The following TTC39C variants were observed in gnomAD, a reference collection of about 807,000 sequenced individuals.
TTC39C encodes tetratricopeptide repeat domain 39C.
TTC39C carries 33 observed loss-of-function variants against 76.3 expected under a neutral mutation model. That is an observed-to-expected ratio of 0.43 (90% CI 0.33 to 0.58). TTC39C has a LOEUF of 0.58. Ranked by LOEUF, TTC39C falls within the 20% of genes least tolerant of loss-of-function variation. The pLI is 0.04. For synonymous variants in TTC39C, 254 were observed against 260.6 expected, an observed-to-expected ratio of 0.97 and a Z score of 0.24; for missense variants, 595 against 701.4, an observed-to-expected ratio of 0.85 and a Z score of 1.71.
intron 6 of TTC39C, among the ~76,000 whole-genome samples, chr18:24,113,155 A>G (rs747705782): frequency 6.6e-6 from 1 of 152,192 alleles, no homozygotes; most frequent in East Asian, 1.9e-4. Context: ...ATAAACGGTG[A>G]TAATGGATTG....
At chr18:24,109,169 G>A (rs1280448123) in intron 6 of TTC39C, among the ~76,000 whole-genome samples, 3 of 64,304 alleles carry the variant, frequency 4.7e-5, no homozygotes, top group African/African-American at 2.3e-4. Flanking sequence ...CAAGACTCCC[G>A]TCTCTACAAA....
chr18:24,015,739 A>T (rs1169632727), intron 1 of TTC39C, among the ~76,000 whole-genome samples: 2 of 152,322 alleles, frequency 1.3e-5, no homozygotes, highest in South Asian at 2.1e-4. Flanking sequence ...AGGGATTTTT[A>T]AAAAGTATGA....
upstream of TTC39C, among the ~76,000 whole-genome samples, chr18:24,012,720 G>C (rs1392266047): frequency 6.6e-6 from 1 of 152,154 alleles, no homozygotes; most frequent in African/African-American, 2.4e-5. Context: ...CCAGCAGCCT[G>C]TAAGTGCATG....
rs146697752 is a variant in TTC39C, at chr18:24,020,753, A to G, written c.167+5715A>G. ...AGTACTAATGCAACCTTTTTTTCCA[A>G]GTATGTTTGATCTGCGGCTGGTTGT... On this transcript the variant is annotated intron_variant, in intron 1 of 13. Coordinates refer to ENST00000317571, the MANE Select transcript of TTC39C (RefSeq NM_001135993.2). 1.9e-3 allele frequency among the ~76,000 whole-genome samples: 293 copies of G among 152,286 alleles called. 2 individuals carry two copies. Among genetic ancestry groups the G allele is most frequent in the African/African-American group, 6.5e-3 (272 of 41,558 alleles).
intron 6 of TTC39C, among the ~76,000 whole-genome samples, chr18:24,087,920 G>GCCTAGCACAGGACTGGC: frequency 6.6e-6 from 1 of 152,270 alleles, no homozygotes; most frequent in African/African-American, 2.4e-5. Flanking sequence ...CGAAATCTGG[G>GCCTAGCACAGGACTGGC]CCTAGCACAG....
chr18:24,026,616 T>C (rs2145667219), intron 1 of TTC39C, among the ~76,000 whole-genome samples: 1 of 152,312 alleles, frequency 6.6e-6, no homozygotes, highest in Non-Finnish European at 1.5e-5. Flanking sequence ...TCAGCCTGTT[T>C]TACATGCTCA....
intron 1 of TTC39C, among the ~76,000 whole-genome samples, chr18:24,060,313 G>GTTTTTTTTTTTTTTTTTTT (rs1294806136): frequency 1.1e-5 from 1 of 89,244 alleles, no homozygotes; most frequent in Admixed American, 1.5e-4. Flanking sequence ...TTGCGTTTCT[G>GTTTTTTTTTTTTTTTTTTT]TTTTTTTTTT....
chr18:24,008,798 C>T (rs540132574), intron 1 of TTC39C, among the ~76,000 whole-genome samples: 1 of 152,336 alleles, frequency 6.6e-6, no homozygotes, highest in East Asian at 1.9e-4. Context: ...TGCAATCAAA[C>T]TAAATGCCCA....
intron 7 of TTC39C, among the ~76,000 whole-genome samples, chr18:24,116,576 T>A (rs771079204): frequency 6.6e-6 from 1 of 152,132 alleles, no homozygotes; most frequent in Non-Finnish European, 1.5e-5. Flanking sequence ...TACTCTAAAC[T>A]ATGTCAATAT....
intron 6 of TTC39C, among the ~76,000 whole-genome samples, chr18:24,109,521 AT>A (rs991146703): frequency 7.7e-4 from 118 of 152,330 alleles, no homozygotes; most frequent in African/African-American, 2.7e-3. Context: ...AAAAATTTAA[AT>A]TATGGCGATT....
chr18:24,094,232 G>A (rs569122461), intron 6 of TTC39C, among the ~76,000 whole-genome samples: 9 of 152,190 alleles, frequency 5.9e-5, no homozygotes, highest in South Asian at 2.1e-4. Flanking sequence ...TTTGTCCTGC[G>A]ATTGCAACAA....
intron 1 of TTC39C, among the ~76,000 whole-genome samples, chr18:24,004,617 A>G (rs1244105727): frequency 6.6e-6 from 1 of 152,210 alleles, no homozygotes; most frequent in Non-Finnish European, 1.5e-5. Flanking sequence ...GGAATTTTTT[A>G]AAGTCATCAC....
intron 1 of TTC39C, among the ~76,000 whole-genome samples, chr18:24,005,658 C>T (rs2145630238): frequency 6.8e-6 from 1 of 147,076 alleles, no homozygotes; most frequent in South Asian, 2.2e-4. Flanking sequence ...CCAGCCTGGG[C>T]AACAAAGCGA....
rs150641446 is a variant in TTC39C at position 24,131,873 on chromosome 18, T to C, written c.1624-9T>C. The C allele has an allele frequency of 6.2e-7, 1 of 1,610,120 alleles. No individual in the cohort carries two copies. Among genetic ancestry groups the C allele is most frequent in the Non-Finnish European group, 8.5e-7 (1 of 1,178,876 alleles). ...ACAGATTTTATGGGATAATGTGTTT[T>C]TCTTATAGACTGTAGGAAGAGGCAG... On this transcript the variant is annotated splice_polypyrimidine_tract_variant and intron_variant, in intron 12 of 13. Coordinates refer to ENST00000317571, the MANE Select transcript of TTC39C (RefSeq NM_001135993.2).
At chr18:24,097,013 A>G (rs984603868) in intron 6 of TTC39C, among the ~76,000 whole-genome samples, 1 of 152,204 alleles carries the variant, frequency 6.6e-6, no homozygotes, top group Non-Finnish European at 1.5e-5. Flanking sequence ...AGGGAGCCAA[A>G]TCAGGACTGT....
intron 3 of TTC39C, among the ~76,000 whole-genome samples, chr18:24,068,467 CTTATT>C (rs1448669964): frequency 1.2e-4 from 18 of 152,270 alleles, no homozygotes; most frequent in Admixed American, 4.6e-4. Flanking sequence ...AGCTATTTAA[CTTATT>C]TTATTCAAGT....
At position 24,083,560 on chromosome 18, in the gene TTC39C, G is replaced by A. The variant is rs10163724; in HGVS notation, c.984+479G>A. 5.9e-3 allele frequency among the ~76,000 whole-genome samples: 893 copies of A among 152,242 alleles called. 9 individuals are homozygous for A. The highest frequency in any genetic ancestry group is 0.02 in the African/African-American group (841 of 41,528). On this transcript the variant is annotated intron_variant, in intron 6 of 13. Coordinates refer to ENST00000317571, the MANE Select transcript of TTC39C (RefSeq NM_001135993.2). The stretch of plus-strand genomic sequence containing the variant: ...TGTGCTTAATTTGGCTCAGTACTGC[G>A]TTAAGAACTTTATACACGCTTTTCC...
intron 2 of TTC39C, among the ~76,000 whole-genome samples, chr18:24,065,672 A>G (rs2084156748): frequency 6.6e-6 from 1 of 152,264 alleles, no homozygotes; most frequent in African/African-American, 2.4e-5. Flanking sequence ...GAACTTCTGC[A>G]TCAGACGCCA....
At chr18:24,098,508 C>A (rs1262550306) in intron 6 of TTC39C, among the ~76,000 whole-genome samples, 1 of 67,496 alleles carries the variant, frequency 1.5e-5, no homozygotes, top group African/African-American at 7.4e-5. Flanking sequence ...ATCCTCTCCT[C>A]TCCCCTCCCC....
Sources: gnomAD v4.1 joint callset for allele counts (sites outside exome capture counted in the v4.1 genomes callset) on GRCh38, gnomAD v4.1.1 for gene constraint, MANE v1.5 for transcripts, NCBI Gene and HGNC (gene_info 2026-07-23, HGNC 2026-07-21) for gene names.